PEAR1: variants seen among roughly 807,000 people sequenced by gnomAD.
PEAR1 encodes multiple EGF-like domains protein 12.
PEAR1 carries 113 observed loss-of-function variants against 131.2 expected under a neutral mutation model. The ratio of observed to expected loss-of-function variants is 0.86; its 90% CI spans 0.74 to 1.01. The LOEUF is 1.01. Ranked by LOEUF, PEAR1 falls within the 50% of genes least tolerant of loss-of-function variation. PEAR1 has a pLI of 0.00. For synonymous variants in PEAR1, 565 were observed against 523.3 expected (o/e 1.08, Z -1.09); for missense variants, 1,408 against 1,391.1 (o/e 1.01, Z -0.19).
At chr1:156,905,178 A>G in intron 3 of PEAR1, 146 bp from the exon 4 acceptor site, 2 of 1,058,948 alleles carry the variant, frequency 1.9e-6, no homozygotes, top group South Asian at 1.5e-5. Flanking sequence ...ATCGTAGTGC[A>G]CTGCAACCTC....
Position 156,905,367 on chromosome 1 carries a change from C to G in PEAR1, c.250C>G (p.His84Asp). The G allele has an allele frequency of 1.9e-6, 3 of 1,611,770 alleles. No individual in the cohort carries two copies. Among genetic ancestry groups the G allele is most frequent in the Non-Finnish European group, 2.5e-6 (3 of 1,179,046 alleles). ...TVYRQVVKTD[H>D]RQRLQCCHGF... ...GTACCGTCAGGTGGTGAAGACGGAC[C>G]ACCGCCAGCGCCTGCAGTGCTGCCA... is the stretch of plus-strand genomic sequence containing the variant. The change falls in exon 4 of 23, where the codon CAC becomes GAC. Residue 84 changes from histidine to aspartate, a missense_variant. By Grantham distance (81) the His-to-Asp change is moderately conservative. Transcript: ENST00000292357.
At position 156,915,089 on chromosome 1, in the gene PEAR1, A is replaced by C; in HGVS notation, c.*291A>C. 3 of 366,018 alleles carry C rather than the reference A, an allele frequency of 8.2e-6. No individual in the cohort carries two copies. The highest frequency in any genetic ancestry group is 5.3e-5 in the East Asian group (1 of 18,828). 22.7% of individuals were successfully genotyped at this position (366,018 alleles called of 1,614,324 possible). On this transcript the variant is annotated 3_prime_UTR_variant, in exon 23 of 23. Coordinates refer to ENST00000292357, the MANE Select transcript of PEAR1 (RefSeq NM_001080471.3). Reference sequence around the variant, plus strand: ...TTGCTGGGTAACTCTGATTTCAGACATGCGTGTGGGGTACCTTTTCTGTGC... The same window carrying C: ...TTGCTGGGTAACTCTGATTTCAGACCTGCGTGTGGGGTACCTTTTCTGTGC...
chr1:156,910,453 TCCC>T, intron 14 of PEAR1, 73 bp downstream of exon 14: 1 of 1,538,932 alleles, frequency 6.5e-7, no homozygotes, highest in Non-Finnish European at 8.8e-7. Context: ...AGAGCACCCC[TCCC>T]CCCGCGCCCG....
rs1384447801 is a variant in PEAR1 at position 156,913,295 on chromosome 1, G to A, written c.2511+13G>A. Reference sequence around the variant, plus strand: ...ACCCCCTAACAAGGTCAGTGCCGGGGGAGGGGGTGCACTGTGGAGGGAAGC... The same window carrying A: ...ACCCCCTAACAAGGTCAGTGCCGGGAGAGGGGGTGCACTGTGGAGGGAAGC... On this transcript the variant is annotated intron_variant, in intron 19 of 22. Transcript: ENST00000292357. The A allele has an allele frequency of 3.7e-6, 6 of 1,601,926 alleles. No individual in the cohort carries two copies. The highest frequency in any genetic ancestry group is 5.1e-6 in the Non-Finnish European group (6 of 1,173,688).
chr1:156,899,433 G>A (rs1173019313), intron 1 of PEAR1, among the ~76,000 whole-genome samples: 4 of 152,142 alleles, frequency 2.6e-5, no homozygotes, highest in African/African-American at 9.7e-5. Context: ...TCGTTTTGGG[G>A]GATCAGGTTC....
chr1:156,903,480 G>A (rs1028554920), intron 1 of PEAR1, among the ~76,000 whole-genome samples: 3 of 152,164 alleles, frequency 2.0e-5, no homozygotes, highest in African/African-American at 7.2e-5. Flanking sequence ...CTGGGCTGGG[G>A]GCTGGGGATT....
chr1:156,900,530 T>A (rs890099667), intron 1 of PEAR1, among the ~76,000 whole-genome samples: 1 of 152,210 alleles, frequency 6.6e-6, no homozygotes, highest in Non-Finnish European at 1.5e-5. Flanking sequence ...TCTCTGTGCC[T>A]GCTTCCTCAT....
intron 1 of PEAR1, among the ~76,000 whole-genome samples, chr1:156,894,545 G>C (rs148638808): frequency 1.3e-5 from 2 of 152,192 alleles, no homozygotes; most frequent in Non-Finnish European, 2.9e-5. Flanking sequence ...AGGACTGGGG[G>C]TTCAGCTTGA....
chr1:156,911,769 A>G (rs749148941), intron 15 of PEAR1, among the ~76,000 whole-genome samples: 3 of 152,216 alleles, frequency 2.0e-5, no homozygotes, highest in Non-Finnish European at 4.4e-5. Context: ...TATGAAGAAG[A>G]CTGAATTTCA....
chr1:156,910,085 G>A lies in PEAR1; in HGVS notation c.1655G>A (p.Cys552Tyr). Residue 552 changes from cysteine to tyrosine, a missense_variant, in exon 13 of 23, where the codon TGT becomes TAT. Coordinates refer to ENST00000292357, the MANE Select transcript of PEAR1 (RefSeq NM_001080471.3). The stretch of plus-strand genomic sequence containing the variant: ...GGCTGTGACCCTGTTCATGGACGCT[G>A]TCAGTGCCAGGCTGGCTGGATGGGT... ...SDGCDPVHGRCQCQAGWMGAR... is the reference protein window; with the variant it reads ...SDGCDPVHGRYQCQAGWMGAR... 1 of 1,614,172 alleles carries A rather than the reference G, an allele frequency of 6.2e-7. No individual in the cohort carries two copies. Among genetic ancestry groups the A allele is most frequent in the Non-Finnish European group, 8.5e-7 (1 of 1,180,022 alleles).
In PEAR1 at chr1:156,908,854, A is replaced by G. The variant is rs539745061; in HGVS notation, c.1290+25A>G. The G allele has an allele frequency of 1.9e-6, 3 of 1,606,506 alleles. No homozygotes were observed. The highest frequency in any genetic ancestry group is 4.5e-5 in the East Asian group (2 of 44,784). On this transcript the variant is annotated intron_variant, in intron 10 of 22. Coordinates refer to ENST00000292357, the MANE Select transcript of PEAR1 (RefSeq NM_001080471.3). The surrounding 1 kb of genome is among the most constrained non-coding windows in gnomAD (Gnocchi z 4.2). Reference sequence around the variant, plus strand: ...GGTGAGGCGCGCCCGGCTGCAAGGAAGCGAGGCAGGTGGAGAGGCCAAGGA... The same window carrying G: ...GGTGAGGCGCGCCCGGCTGCAAGGAGGCGAGGCAGGTGGAGAGGCCAAGGA...
rs551758643 is a variant in PEAR1, at chr1:156,908,605, C to T, written c.1116-50C>T. The T allele has an allele frequency of 3.4e-6, 5 of 1,459,628 alleles. No individual in the cohort carries two copies. The Admixed American group carries it at 1.1e-4, about 33-fold the overall frequency. The allele number at this position is 1,459,628 out of a possible 1,614,324, so 90.4% of individuals were successfully genotyped here. On this transcript the variant is annotated intron_variant, in intron 9 of 22. Coordinates refer to ENST00000292357, the MANE Select transcript of PEAR1 (RefSeq NM_001080471.3). This position sits in a 1 kb window ranked among gnomAD's most constrained non-coding sequence, Gnocchi z 4.2. The stretch of plus-strand genomic sequence containing the variant: ...CCACGCGGAGGGGTCGGGAAGCTGC[C>T]CTGCCCCTGCCCAGCTCAGACCGCG...
chr1:156,898,024 A>G (rs115123600), intron 1 of PEAR1, among the ~76,000 whole-genome samples: 3 of 151,984 alleles, frequency 2.0e-5, no homozygotes, highest in Non-Finnish European at 4.4e-5. Flanking sequence ...TCCCTAGTCT[A>G]TGTCACCCAG....
chr1:156,907,953 C>G lies in PEAR1; in HGVS notation c.804C>G (p.His268Gln), dbSNP rs375728418. The G allele has an allele frequency of 6.3e-7, 1 of 1,586,204 alleles. No individual in the cohort carries two copies. Among genetic ancestry groups the G allele is most frequent in the Non-Finnish European group, 8.6e-7 (1 of 1,165,270 alleles). ...CCCTGCCCTGCCCAGAGGGCTTTCA[C>G]GGACCCAACTGCTCCCAGGAATGTC... Reference protein sequence around the residue: ...ICSLPCPEGFHGPNCSQECRC... With the variant: ...ICSLPCPEGFQGPNCSQECRC... The change falls in exon 8 of 23, where the codon CAC becomes CAG. Residue 268 changes from histidine (H) to glutamine (Q), a missense_variant. Physicochemically the swap from His to Gln is conservative, Grantham distance 24. Transcript: ENST00000292357.
chr1:156,911,080 T>TCTTTCCTTTCTTTCTTTCTTTCCTTC (rs1553269262), intron 15 of PEAR1, among the ~76,000 whole-genome samples: 1 of 138,134 alleles, frequency 7.2e-6, no homozygotes, highest in African/African-American at 3.0e-5. Context: ...TTTCTTTCTT[T>TCTTTCCTTTCTTTCTTTCTTTCCTTC]CTTTCTTTCT....
rs747567867 is a variant in PEAR1 at position 156,903,905 on chromosome 1, G to C, written c.-9-13G>C. 5 of 1,605,980 alleles carry C rather than the reference G, an allele frequency of 3.1e-6. No homozygotes were observed. Among genetic ancestry groups the C allele is most frequent in the Non-Finnish European group, 3.4e-6 (4 of 1,173,752 alleles). On this transcript the variant is annotated splice_polypyrimidine_tract_variant and intron_variant, in intron 1 of 22. Coordinates refer to ENST00000292357, the MANE Select transcript of PEAR1 (RefSeq NM_001080471.3). ...GCAGCGCCACTGCCCACTCTGCGCCGGTCTTGCTGCAGGCCTCTGCAATGT... is the reference window on the plus strand; with the variant it reads ...GCAGCGCCACTGCCCACTCTGCGCCCGTCTTGCTGCAGGCCTCTGCAATGT...
At chr1:156,912,441 T>C in intron 16 of PEAR1, 53 bp from the exon 17 acceptor site, 1 of 1,603,798 alleles carries the variant, frequency 6.2e-7, no homozygotes, top group Middle Eastern at 1.7e-4. Context: ...AAAAGGAGAC[T>C]AGAGTTTCCT....
At chr1:156,911,952 C>T (rs1558145810) in intron 15 of PEAR1, among the ~76,000 whole-genome samples, 3 of 152,168 alleles carry the variant, frequency 2.0e-5, no homozygotes, top group African/African-American at 7.2e-5. Context: ...AAAATCCATC[C>T]GGGGTAGCTT....
rs139334858 is a variant in PEAR1, at chr1:156,904,836, A to G, written c.190A>G (p.Thr64Ala). The stretch of plus-strand genomic sequence containing the variant: ...CGAGCGGCCCTGGGAGGGCCCCCAT[A>G]CTTGCCCCCAGCCCACGTGAGTGCT... ...PCERPWEGPH[T>A]CPQPTVVYRT... The change falls in exon 3 of 23, where the codon ACT becomes GCT. Residue 64 changes from threonine to alanine, a missense_variant. By Grantham distance (58) the Thr-to-Ala change is moderately conservative. Coordinates refer to ENST00000292357, the MANE Select transcript of PEAR1 (RefSeq NM_001080471.3). 8 of 1,613,478 alleles carry G rather than the reference A, an allele frequency of 5.0e-6. No individual in the cohort carries two copies. The highest frequency in any genetic ancestry group is 2.2e-5 in the East Asian group (1 of 44,848).
Sources: allele counts gnomAD v4.1 joint callset (sites outside exome capture counted in the v4.1 genomes callset), GRCh38; gene constraint gnomAD v4.1.1; non-coding constraint Gnocchi (gnomAD v3.1); transcripts MANE v1.5; gene names NCBI Gene and HGNC (gene_info 2026-07-23, HGNC 2026-07-21).